The following SKIC3 variants were observed in gnomAD, a reference collection of about 807,000 sequenced individuals.
SKIC3 encodes the protein SKI3 subunit of superkiller complex.
At chr5:95,478,591 CA>C in the SKIC3 span, 7 of 1,032,296 alleles carry the variant, frequency 6.8e-6, no homozygotes, top group South Asian at 1.4e-5. Context: ...AATTACAGGT[CA>C]AAAAAGGGCT....
chr5:95,477,918 CT>C, the SKIC3 span, among the ~76,000 whole-genome samples: 2 of 152,242 alleles, frequency 1.3e-5, no homozygotes, highest in Middle Eastern at 3.4e-3. Flanking sequence ...AGAAATCCCT[CT>C]TAGAGAATGT....
At chr5:95,502,791 A>C in the SKIC3 span, 1 of 1,573,138 alleles carries the variant, frequency 6.4e-7, no homozygotes, top group Admixed American at 1.7e-5. Flanking sequence ...AAAAGTTCCT[A>C]AAACATGAAG....
the SKIC3 span, among the ~76,000 whole-genome samples, chr5:95,492,704 T>TAAAAAAAAAA: frequency 1.4e-5 from 1 of 73,858 alleles, no homozygotes. Flanking sequence ...ACAACTAAAC[T>TAAAAAAAAAA]AGATAACAGC....
the SKIC3 span, among the ~76,000 whole-genome samples, chr5:95,478,136 T>A: frequency 6.6e-6 from 1 of 152,106 alleles, no homozygotes; most frequent in Non-Finnish European, 1.5e-5. Flanking sequence ...TCTATGTCCA[T>A]CACAAACCCA....
chr5:95,464,788 A>G, the SKIC3 span: 1 of 811,054 alleles, frequency 1.2e-6, no homozygotes, highest in Non-Finnish European at 2.1e-6. Context: ...TGAAAAGGCA[A>G]CATCAAACTA....
At chr5:95,549,030 A>G in the SKIC3 span, among the ~76,000 whole-genome samples, 4 of 152,210 alleles carry the variant, frequency 2.6e-5, no homozygotes, top group African/African-American at 9.6e-5. Flanking sequence ...ATCTAAATCA[A>G]GAGAAAGACT....
At chr5:95,520,631 A>C in the SKIC3 span, 1 of 1,040,088 alleles carries the variant, frequency 9.6e-7, no homozygotes, top group Non-Finnish European at 1.4e-6. Flanking sequence ...TGCTATATCT[A>C]GCAGAATACA....
the SKIC3 span, among the ~76,000 whole-genome samples, chr5:95,545,847 T>C: frequency 6.6e-6 from 1 of 152,144 alleles, no homozygotes; most frequent in Admixed American, 6.6e-5. Context: ...TTCATGTTGA[T>C]ATCCCGTTGA....
chr5:95,484,637 G>A, the SKIC3 span: 260 of 1,574,846 alleles, frequency 1.7e-4, 1 homozygote, highest in Non-Finnish European at 2.0e-4. Context: ...GTGAGCCACC[G>A]CATCTAGCCT....
At chr5:95,505,248 T>C in the SKIC3 span, among the ~76,000 whole-genome samples, 1 of 152,192 alleles carries the variant, frequency 6.6e-6, no homozygotes, top group Non-Finnish European at 1.5e-5. Context: ...CTTTTTAATC[T>C]TGGAGGATAT....
the SKIC3 span, chr5:95,494,774 G>T: frequency 6.2e-7 from 1 of 1,613,520 alleles, no homozygotes; most frequent in Non-Finnish European, 8.5e-7. Context: ...CTGATTTACC[G>T]CAGTGTACAG....
the SKIC3 span, among the ~76,000 whole-genome samples, chr5:95,475,390 T>C: frequency 1.3e-5 from 2 of 152,136 alleles, no homozygotes; most frequent in Non-Finnish European, 2.9e-5. Flanking sequence ...CTGAGTGAGT[T>C]CTCAAGAGAT....
chr5:95,519,420 G>A, the SKIC3 span, among the ~76,000 whole-genome samples: 1 of 151,888 alleles, frequency 6.6e-6, no homozygotes, highest in Non-Finnish European at 1.5e-5. Context: ...ATTTTCCAAT[G>A]TCTTCCTAAG....
At chr5:95,521,588 G>C in the SKIC3 span, 3 of 154,028 alleles carry the variant, frequency 1.9e-5, no homozygotes, top group Non-Finnish European at 4.3e-5. Context: ...TACAAATGTA[G>C]GTTATATATG....
chr5:95,538,518 C>G, the SKIC3 span, among the ~76,000 whole-genome samples: 1 of 152,100 alleles, frequency 6.6e-6, no homozygotes, highest in East Asian at 1.9e-4. Context: ...AAGAAATGAA[C>G]TTCCTATCCT....
chr5:95,475,703 C>T, the SKIC3 span, among the ~76,000 whole-genome samples: 1 of 152,208 alleles, frequency 6.6e-6, no homozygotes, highest in Non-Finnish European at 1.5e-5. Flanking sequence ...TTTCTGGATG[C>T]TTCCAAAGAG....
the SKIC3 span, among the ~76,000 whole-genome samples, chr5:95,480,294 A>G: frequency 6.6e-6 from 1 of 152,158 alleles, no homozygotes; most frequent in African/African-American, 2.4e-5. Flanking sequence ...CATAGGTGTA[A>G]GAAAATATTT....
the SKIC3 span, among the ~76,000 whole-genome samples, chr5:95,474,762 C>T: frequency 1.4e-3 from 211 of 152,300 alleles, no homozygotes; most frequent in African/African-American, 5.0e-3. Context: ...GATTTGGTCT[C>T]TTTACATAAT....
the SKIC3 span, chr5:95,528,210 CTTTTT>C: frequency 6.2e-7 from 1 of 1,607,028 alleles, no homozygotes. Flanking sequence ...TTTATTTTTT[CTTTTT>C]TAAGGATGAC....
Sources: allele counts gnomAD v4.1 joint callset (sites outside exome capture counted in the v4.1 genomes callset), GRCh38; gene constraint gnomAD v4.1.1; transcripts MANE v1.5; gene names NCBI Gene and HGNC (gene_info 2026-07-23, HGNC 2026-07-21).